OSBPL10: variants seen among roughly 807,000 people sequenced by gnomAD.
OSBPL10 encodes the protein oxysterol binding protein like 10.
A neutral mutation model predicts 81.7 loss-of-function variants in OSBPL10; 49 were observed. The ratio of observed to expected loss-of-function variants is 0.60; its 90% CI spans 0.48 to 0.76. OSBPL10 has a LOEUF of 0.76. Among genes scored for constraint, OSBPL10 ranks in the 30% least tolerant of loss-of-function variants. The pLI is 0.00. For synonymous variants in OSBPL10, 419 were observed against 383.6 expected, an observed-to-expected ratio of 1.09 and a Z score of -1.08; for missense variants, 923 against 987.8, an observed-to-expected ratio of 0.93 and a Z score of 0.88.
At chr3:31,988,915 C>A in intron 2 of OSBPL10, 1 of 849,718 alleles carries the variant, frequency 1.2e-6, no homozygotes, top group Non-Finnish European at 1.8e-6. Flanking sequence ...AGCTGAAGTG[C>A]CTCCAAACCC....
At chr3:31,961,000 T>TC (rs941146734) in intron 1 of OSBPL10, among the ~76,000 whole-genome samples, 2 of 148,884 alleles carry the variant, frequency 1.3e-5, no homozygotes, top group African/African-American at 5.0e-5. Context: ...GCTCACAAAT[T>TC]CCCCAAGGGA....
chr3:31,741,673 C>G (rs1418034786), intron 5 of OSBPL10, among the ~76,000 whole-genome samples: 1 of 152,104 alleles, frequency 6.6e-6, no homozygotes, highest in Non-Finnish European at 1.5e-5. Context: ...CTAGTTTTTC[C>G]TTTTCTCCTG....
At chr3:32,014,578 GT>G (rs1425597182) in intron 2 of OSBPL10, among the ~76,000 whole-genome samples, 4 of 152,124 alleles carry the variant, frequency 2.6e-5, no homozygotes, top group African/African-American at 9.7e-5. Context: ...TCAACATAGT[GT>G]TGGAAGTTCT....
rs545963416 is a variant in OSBPL10 at position 31,866,588 on chromosome 3, A to G, written c.537+9845T>C. 4.6e-5 allele frequency among the ~76,000 whole-genome samples: 7 copies of G among 152,262 alleles called. No individual in the cohort carries two copies. In the East Asian group the frequency reaches 1.4e-3, roughly 29 times the overall value. The stretch of plus-strand genomic sequence containing the variant: ...AACATGCCCTGACTAAAGCCCCTAC[A>G]TGCTTGGGGAGTATAGACGCCATGA... On this transcript the variant is annotated intron_variant, in intron 3 of 11. Transcript: ENST00000396556.
intron 6 of OSBPL10, chr3:31,709,408 G>A (rs1347099564): frequency 1.3e-5 from 2 of 152,156 alleles, no homozygotes; most frequent in African/African-American, 4.8e-5. Context: ...GGAGGGGAGA[G>A]AGTGGGGGCA....
At chr3:31,867,682 G>T (rs1205952324) in intron 3 of OSBPL10, among the ~76,000 whole-genome samples, 1 of 150,624 alleles carries the variant, frequency 6.6e-6, no homozygotes, top group Non-Finnish European at 1.5e-5. Context: ...GGCGGAGGTT[G>T]CAGTGAGCCA....
intron 4 of OSBPL10, among the ~76,000 whole-genome samples, chr3:31,761,710 G>A (rs1460770179): frequency 6.6e-6 from 1 of 150,570 alleles, no homozygotes; most frequent in Non-Finnish European, 1.5e-5. Flanking sequence ...AGCTAATCCA[G>A]AGACTGAGGC....
intron 4 of OSBPL10, among the ~76,000 whole-genome samples, chr3:31,804,240 T>A (rs1328998452): frequency 6.6e-6 from 1 of 152,192 alleles, no homozygotes; most frequent in Non-Finnish European, 1.5e-5. Context: ...ACGAATCATG[T>A]ATATTTATGT....
intron 5 of OSBPL10, among the ~76,000 whole-genome samples, chr3:31,735,162 C>T (rs1697112127): frequency 2.0e-5 from 3 of 152,214 alleles, no homozygotes; most frequent in South Asian, 4.1e-4. Context: ...GGGCCAGACA[C>T]GGTGGCTCCC....
chr3:31,878,352 G>T (rs1701531843), intron 2 of OSBPL10, among the ~76,000 whole-genome samples: 1 of 152,158 alleles, frequency 6.6e-6, no homozygotes, highest in Non-Finnish European at 1.5e-5. Context: ...AATTTATTAA[G>T]CAATAAATGG....
rs928867985 is a variant in OSBPL10 at position 31,959,380 on chromosome 3, T to C, written c.281+21519A>G. Among the ~76,000 whole-genome samples, 18 of 152,354 alleles carry C rather than the reference T, an allele frequency of 1.2e-4. No individual in the cohort carries two copies. In the East Asian group the frequency reaches 1.7e-3, roughly 15 times the overall value. On this transcript the variant is annotated intron_variant, in intron 1 of 11. Coordinates refer to ENST00000396556, the MANE Select transcript of OSBPL10 (RefSeq NM_017784.5). ...ATAAAATAAAAGCAACTTTGTCTAC[T>C]GAAAACTACTGTTAAACCCAGTCTT...
chr3:31,785,375 C>T (rs892773209), intron 4 of OSBPL10, among the ~76,000 whole-genome samples: 5 of 152,010 alleles, frequency 3.3e-5, no homozygotes, highest in African/African-American at 9.7e-5. Flanking sequence ...ACATGGTAGG[C>T]GTGTTTGATT....
intron 4 of OSBPL10, among the ~76,000 whole-genome samples, chr3:31,796,993 A>ATTT (rs71097443): frequency 0.056 from 6,964 of 123,530 alleles, 387 homozygotes; most frequent in East Asian, 0.066. Flanking sequence ...ATTTTTATTA[A>ATTT]TTTTTTTTTT....
intron 4 of OSBPL10, among the ~76,000 whole-genome samples, chr3:31,766,459 C>T (rs995527456): frequency 9.9e-5 from 15 of 151,694 alleles, no homozygotes; most frequent in African/African-American, 3.4e-4. Context: ...CCTCTGAGCT[C>T]AGCTTCCCAA....
chr3:31,817,390 G>T (rs1208945822), intron 4 of OSBPL10, among the ~76,000 whole-genome samples: 10 of 152,180 alleles, frequency 6.6e-5, no homozygotes, highest in Non-Finnish European at 1.5e-4. Context: ...GCCAGTAAGG[G>T]TACAAGGGAG....
chr3:31,889,825 A>G (rs1695843109), intron 1 of OSBPL10, among the ~76,000 whole-genome samples: 1 of 152,212 alleles, frequency 6.6e-6, no homozygotes, highest in Admixed American at 6.5e-5. Context: ...CAAAGAAATG[A>G]TAAATGTTTG....
At chr3:31,699,643 G>C (rs1695834010) in intron 7 of OSBPL10, among the ~76,000 whole-genome samples, 1 of 152,218 alleles carries the variant, frequency 6.6e-6, no homozygotes. Flanking sequence ...ATTAAACCAA[G>C]CATGGAGCCC....
chr3:32,003,044 C>T (rs1220066721), intron 2 of OSBPL10, among the ~76,000 whole-genome samples: 1 of 152,098 alleles, frequency 6.6e-6, no homozygotes, highest in African/African-American at 2.4e-5. Flanking sequence ...AGAAGCTGGC[C>T]GAACGAAAGT....
intron 2 of OSBPL10, among the ~76,000 whole-genome samples, chr3:32,021,062 A>G (rs1043322668): frequency 5.3e-5 from 8 of 152,104 alleles, no homozygotes; most frequent in African/African-American, 1.9e-4. Flanking sequence ...TCCTCTTCTC[A>G]TTAAAACACC....
Sources: gnomAD v4.1 joint callset for allele counts (sites outside exome capture counted in the v4.1 genomes callset) on GRCh38, gnomAD v4.1.1 for gene constraint, MANE v1.5 for transcripts, NCBI Gene and HGNC (gene_info 2026-07-23, HGNC 2026-07-21) for gene names.